Variants in N4BP1 observed in about 807,000 individuals in gnomAD.
N4BP1 encodes the protein NEDD4 binding protein 1, also known as NEDD4-binding protein 1.
A neutral mutation model predicts 70.9 loss-of-function variants in N4BP1; 21 were observed. The ratio of observed to expected loss-of-function variants is 0.30; its 90% CI spans 0.21 to 0.43. The LOEUF (loss-of-function observed/expected upper bound fraction) is 0.43. Ranked by LOEUF, N4BP1 falls within the 20% of genes least tolerant of loss-of-function variation. The pLI, the probability that N4BP1 is intolerant of heterozygous loss-of-function variation, is 1.00. For synonymous variants in N4BP1, 387 were observed against 394.6 expected (o/e 0.98, Z 0.23); for missense variants, 936 against 1,069.4 (o/e 0.88, Z 1.74).
At chr16:48,579,986 A>G (rs2151095382) in intron 1 of N4BP1, among the ~76,000 whole-genome samples, 1 of 152,252 alleles carries the variant, frequency 6.6e-6, no homozygotes, top group Non-Finnish European at 1.5e-5. Context: ...ATTTGAAGGG[A>G]TAGACTATAA....
At chr16:48,552,429 G>T (rs1963682886) in intron 3 of N4BP1, among the ~76,000 whole-genome samples, 1 of 152,032 alleles carries the variant, frequency 6.6e-6, no homozygotes, top group Non-Finnish European at 1.5e-5. Flanking sequence ...GCAGGGCGTG[G>T]TGGCTCCTGC....
chr16:48,595,489 CT>C (rs1964398878), intron 1 of N4BP1, among the ~76,000 whole-genome samples: 2 of 126,022 alleles, frequency 1.6e-5, no homozygotes, highest in African/African-American at 3.0e-5. Context: ...AGAAAGAAAA[CT>C]TTCTTTTGCA....
At chr16:48,601,363 T>G (rs566850730) in intron 1 of N4BP1, among the ~76,000 whole-genome samples, 10 of 152,258 alleles carry the variant, frequency 6.6e-5, no homozygotes, top group Non-Finnish European at 1.3e-4. Context: ...GGAATCCCAG[T>G]GCCTTTTAAA....
chr16:48,561,760 T>C lies in N4BP1; in HGVS notation c.883A>G (p.Thr295Ala), dbSNP rs750778005. Residue 295 changes from threonine (T) to alanine (A), a missense_variant, in exon 2 of 7, where the codon ACG becomes GCG. By Grantham distance (58) the Thr-to-Ala change is moderately conservative (BLOSUM62 0). This residue lies in a region of N4BP1 where 515 missense variants were observed against 491.7 expected (regional missense o/e 1.05). Transcript: ENST00000262384. ...RRFSDSEERH[T>A]KKQFSLENVQ... ...TTTTCCAAAGAAAACTGCTTCTTCG[T>C]ATGCCTTTCTTCAGAATCAGAAAAT... 7 of 1,612,524 alleles carry C rather than the reference T, an allele frequency of 4.3e-6. No homozygotes were observed. Among genetic ancestry groups the C allele is most frequent in the South Asian group, 1.1e-5 (1 of 91,088 alleles).
At chr16:48,559,212 C>CA (rs1159138014) in intron 2 of N4BP1, among the ~76,000 whole-genome samples, 1 of 151,916 alleles carries the variant, frequency 6.6e-6, no homozygotes, top group Non-Finnish European at 1.5e-5. Flanking sequence ...ATTTACAAAA[C>CA]AAAAAATTAC....
chr16:48,574,561 T>C (rs1279219179), intron 1 of N4BP1, among the ~76,000 whole-genome samples: 1 of 152,090 alleles, frequency 6.6e-6, no homozygotes, highest in Non-Finnish European at 1.5e-5. Context: ...AAACTGGAGG[T>C]TGAGACAGAT....
In N4BP1 at chr16:48,541,063, A is replaced by AC. The variant is rs1424618913; in HGVS notation, c.*1840_*1841insG. 6.6e-6 allele frequency: 1 copy of AC among 152,260 alleles called. No homozygotes were observed. Among genetic ancestry groups the AC allele is most frequent in the African/African-American group, 2.4e-5 (1 of 41,458 alleles). 9.4% of individuals were successfully genotyped at this position (152,260 alleles called of 1,614,324 possible). ...GGTCAAGTAGCTTCTAGCCAGGAAA[A>AC]GTGGTGGCCCCCTCAGCCTAGCCAG... On this transcript the variant is annotated 3_prime_UTR_variant, in exon 7 of 7. Coordinates refer to ENST00000262384, the MANE Select transcript of N4BP1 (RefSeq NM_153029.4).
At chr16:48,584,230 C>A (rs558042754) in intron 1 of N4BP1, among the ~76,000 whole-genome samples, 1 of 152,194 alleles carries the variant, frequency 6.6e-6, no homozygotes, top group Non-Finnish European at 1.5e-5. Flanking sequence ...AGATGAGACA[C>A]CTCAAGAAAA....
intron 1 of N4BP1, among the ~76,000 whole-genome samples, chr16:48,580,131 G>T (rs574897713): frequency 3.3e-5 from 5 of 151,604 alleles, no homozygotes; most frequent in Non-Finnish European, 7.4e-5. Context: ...ATGAAACAGA[G>T]ACTATAAAAA....
In N4BP1 at chr16:48,609,896, C is replaced by T. The variant is rs1354568291; in HGVS notation, c.77G>A (p.Arg26His). ...GCTCACGCCAAACAGGCCCTCGATA[C>T]GGCCGCGGCTCTGCTCCAGCAGCTC... Reference protein sequence around the residue: ...KAELLEQSRGRIEGLFGVSLA... With the variant: ...KAELLEQSRGHIEGLFGVSLA... Residue 26 changes from arginine (R) to histidine (H), a missense_variant, in exon 1 of 7, where the codon CGT (arginine) becomes CAT (histidine). Around this residue, in one of 4 missense-constraint regions of N4BP1, gnomAD observed 187 missense variants for 217.1 expected, o/e 0.86. Coordinates refer to ENST00000262384, the MANE Select transcript of N4BP1 (RefSeq NM_153029.4). 4 of 1,475,656 alleles carry T rather than the reference C, an allele frequency of 2.7e-6. No homozygotes were observed. Among genetic ancestry groups the T allele is most frequent in the African/African-American group, 2.9e-5 (2 of 68,520 alleles). The allele number at this position is 1,475,656 out of a possible 1,614,324, so 91.4% of individuals were successfully genotyped here.
rs1345675817 is a variant in N4BP1 at position 48,597,582 on chromosome 16, A to AC, written c.198+12192dup. Reference sequence around the variant, plus strand: ...ACAGCTGATGCTAACCAGTTTGAAGACCCCCAGAGAGGAACAGAATCAGCA... The same window carrying AC: ...ACAGCTGATGCTAACCAGTTTGAAGACCCCCCAGAGAGGAACAGAATCAGCA... On this transcript the variant is annotated intron_variant, in intron 1 of 6. Transcript: ENST00000262384. Among the ~76,000 whole-genome samples the AC allele has an allele frequency of 3.9e-5, 6 of 152,104 alleles. No individual in the cohort carries two copies. The East Asian group carries it at 1.2e-3, about 29-fold the overall frequency.
chr16:48,600,206 T>G, intron 1 of N4BP1: 1 of 716,066 alleles, frequency 1.4e-6, no homozygotes, highest in East Asian at 2.6e-5. Flanking sequence ...CCATCTACCC[T>G]GGCCACGGCA....
chr16:48,596,150 CG>C (rs1964410703), intron 1 of N4BP1, among the ~76,000 whole-genome samples: 3 of 152,028 alleles, frequency 2.0e-5, no homozygotes, highest in African/African-American at 4.8e-5. Flanking sequence ...AGGAGAGAAA[CG>C]TGTTTCAAAA....
At chr16:48,568,851 A>G (rs1014040693) in intron 1 of N4BP1, among the ~76,000 whole-genome samples, 3 of 151,960 alleles carry the variant, frequency 2.0e-5, no homozygotes, top group Non-Finnish European at 4.4e-5. Flanking sequence ...TGTGCTTTCG[A>G]TGTGTCTGGG....
intron 1 of N4BP1, among the ~76,000 whole-genome samples, chr16:48,563,247 T>C (rs1185148316): frequency 6.6e-6 from 1 of 151,978 alleles, no homozygotes; most frequent in East Asian, 1.9e-4. Flanking sequence ...TCCAGCTACT[T>C]GGGAGGCTGA....
rs1388635588 is a variant in N4BP1, at chr16:48,553,549, A to G, written c.2010T>C (p.Pro670=). 2 of 1,555,504 alleles carry G rather than the reference A, an allele frequency of 1.3e-6. No individual in the cohort carries two copies. The highest frequency in any genetic ancestry group is 1.7e-6 in the Non-Finnish European group (2 of 1,154,796). Residue 670 remains proline, a synonymous_variant, in exon 3 of 7, where the codon CCT becomes CCC. Coordinates refer to ENST00000262384, the MANE Select transcript of N4BP1 (RefSeq NM_153029.4). ...FVPQWRTRRD[P]NVTEQHFLTQ... ...ATCAGTTTGCCTCACCTGTGACATT[A>G]GGATCACGCCTTGTTCTCCACTGAG...
intron 1 of N4BP1, among the ~76,000 whole-genome samples, chr16:48,593,130 A>G (rs974044104): frequency 6.6e-6 from 1 of 152,230 alleles, no homozygotes; most frequent in African/African-American, 2.4e-5. Context: ...CTTTACAGCT[A>G]GGTAAGGCCT....
At position 48,594,288 on chromosome 16, in the gene N4BP1, A is replaced by C. The variant is rs943835566; in HGVS notation, c.198+15487T>G. Among the ~76,000 whole-genome samples, 3 of 152,056 alleles carry C rather than the reference A, an allele frequency of 2.0e-5. No homozygotes were observed. In the East Asian group the frequency reaches 5.8e-4, roughly 29 times the overall value. ...CACAGTAAAGGTTTTTCCTGTTTTAAAATTTGTGGGTTATCATTTTGGTTA... is the reference window on the plus strand; with the variant it reads ...CACAGTAAAGGTTTTTCCTGTTTTACAATTTGTGGGTTATCATTTTGGTTA... On this transcript the variant is annotated intron_variant, in intron 1 of 6. Transcript: ENST00000262384.
intron 1 of N4BP1, among the ~76,000 whole-genome samples, chr16:48,596,174 CTGTTAT>C (rs1036773754): frequency 4.6e-5 from 7 of 152,022 alleles, no homozygotes; most frequent in Non-Finnish European, 1.0e-4. Context: ...TATAGTATGC[CTGTTAT>C]TGTTGTTTTT....
Sources: allele counts gnomAD v4.1 joint callset (sites outside exome capture counted in the v4.1 genomes callset), GRCh38; gene constraint gnomAD v4.1.1; regional missense constraint gnomAD v4.1.1; transcripts MANE v1.5; gene names NCBI Gene and HGNC (gene_info 2026-07-23, HGNC 2026-07-21).